The following GRXCR1 variants were observed in gnomAD, a reference collection of about 807,000 sequenced individuals.
The protein encoded by GRXCR1 is glutaredoxin and cysteine rich domain containing 1, also known as glutaredoxin domain-containing cysteine-rich protein 1.
A neutral mutation model predicts 27.3 loss-of-function variants in GRXCR1; 27 were observed. The ratio of observed to expected loss-of-function variants is 0.99; its 90% confidence interval spans 0.73 to 1.37. GRXCR1 has a LOEUF of 1.37. Among genes scored for constraint, GRXCR1 ranks in the 40% most tolerant of loss-of-function variants. The probability of loss-of-function intolerance (pLI) is 0.00; values close to 1 mark genes in which losing one functional copy is unlikely to be tolerated. For missense variants in GRXCR1, 379 were observed against 354.4 expected (o/e 1.07, Z -0.56); for synonymous variants, 122 against 131.1 (o/e 0.93, Z 0.47).
intron 3 of GRXCR1, among the ~76,000 whole-genome samples, chr4:43,024,936 A>G (rs1713206762): frequency 1.3e-5 from 2 of 152,156 alleles, no homozygotes; most frequent in African/African-American, 4.8e-5. Flanking sequence ...AGGGTCAAAT[A>G]AGTTGCTTCC....
chr4:42,903,720 T>C (rs542975346), intron 1 of GRXCR1, among the ~76,000 whole-genome samples: 1 of 143,626 alleles, frequency 7.0e-6, no homozygotes, highest in Admixed American at 7.5e-5. Flanking sequence ...CCAAGGCCAA[T>C]GTTTCCTGCT....
chr4:42,962,530 C>G (rs762387029), intron 1 of GRXCR1, among the ~76,000 whole-genome samples: 1 of 151,822 alleles, frequency 6.6e-6, no homozygotes, highest in African/African-American at 2.4e-5. Context: ...GTGGCATAAA[C>G]TTTAGGTTTA....
chr4:42,984,113 G>A (rs1180059281), intron 2 of GRXCR1, among the ~76,000 whole-genome samples: 1 of 152,104 alleles, frequency 6.6e-6, no homozygotes, highest in Non-Finnish European at 1.5e-5. Context: ...TGGGATTACA[G>A]GCATGAGCCA....
chr4:43,005,707 A>C (rs1020775843), intron 2 of GRXCR1, among the ~76,000 whole-genome samples: 1 of 152,176 alleles, frequency 6.6e-6, no homozygotes. Flanking sequence ...GTGAGACTCC[A>C]GATGTGGGTG....
At chr4:42,972,758 T>C (rs1282746313) in intron 2 of GRXCR1, among the ~76,000 whole-genome samples, 1 of 152,192 alleles carries the variant, frequency 6.6e-6, no homozygotes, top group African/African-American at 2.4e-5. Context: ...ACAATGGGTG[T>C]AGCCATGATT....
intron 2 of GRXCR1, among the ~76,000 whole-genome samples, chr4:43,014,791 C>T (rs1228916633): frequency 6.6e-6 from 1 of 152,120 alleles, no homozygotes; most frequent in Non-Finnish European, 1.5e-5. Flanking sequence ...GAATTGAATG[C>T]TGTGTTTACT....
intron 2 of GRXCR1, among the ~76,000 whole-genome samples, chr4:42,963,794 A>G (rs1179395382): frequency 6.6e-6 from 1 of 151,982 alleles, no homozygotes; most frequent in East Asian, 1.9e-4. Flanking sequence ...AGGGCTCCAG[A>G]GAGTACACTT....
intron 1 of GRXCR1, among the ~76,000 whole-genome samples, chr4:42,925,979 A>G (rs1403369216): frequency 6.6e-6 from 1 of 152,040 alleles, no homozygotes; most frequent in African/African-American, 2.4e-5. Flanking sequence ...ACTGCCATGG[A>G]AAAAACTACT....
At chr4:42,951,982 A>G (rs1292919540) in intron 1 of GRXCR1, among the ~76,000 whole-genome samples, 2 of 152,294 alleles carry the variant, frequency 1.3e-5, no homozygotes, top group Middle Eastern at 3.4e-3. Flanking sequence ...AATAACTGAA[A>G]TTCACTTATT....
chr4:43,015,368 G>C (rs1409670189), intron 2 of GRXCR1, among the ~76,000 whole-genome samples: 2 of 152,084 alleles, frequency 1.3e-5, no homozygotes, highest in Non-Finnish European at 2.9e-5. Flanking sequence ...TTAAGTGAGA[G>C]GGAAAAGGAG....
rs1748152844 is a variant in GRXCR1, at chr4:42,962,758, G to T, written c.385-134G>T. 3 of 915,118 alleles carry T rather than the reference G, an allele frequency of 3.3e-6. No individual in the cohort carries two copies. In the South Asian group the frequency reaches 4.0e-5, roughly 12 times the overall value. 56.7% of individuals were successfully genotyped at this position (915,118 alleles called of 1,614,324 possible). ...ATTACAGATGTTGTAACTTAAAAAG[G>T]TAAGTCTTTGAATTGACAAATGTGT... On this transcript the variant is annotated intron_variant, in intron 1 of 3. Transcript: ENST00000399770.
At chr4:43,028,899 T>A (rs1276784892) in intron 3 of GRXCR1, among the ~76,000 whole-genome samples, 1 of 152,198 alleles carries the variant, frequency 6.6e-6, no homozygotes, top group East Asian at 1.9e-4. Flanking sequence ...TTGTTTGTTT[T>A]ATTCAGATTG....
intron 2 of GRXCR1, among the ~76,000 whole-genome samples, chr4:43,017,519 A>G (rs114190633): frequency 1.7e-3 from 253 of 152,294 alleles, no homozygotes; most frequent in African/African-American, 5.8e-3. Flanking sequence ...CTTCGCACCA[A>G]TGCTTAGAAG....
intron 2 of GRXCR1, among the ~76,000 whole-genome samples, chr4:42,987,342 G>C (rs1031347195): frequency 6.7e-6 from 1 of 148,446 alleles, no homozygotes; most frequent in Admixed American, 6.9e-5. Context: ...AAGTGTGGTG[G>C]TGTGATCATA....
At chr4:42,949,370 A>C (rs1747827544) in intron 1 of GRXCR1, among the ~76,000 whole-genome samples, 2 of 151,442 alleles carry the variant, frequency 1.3e-5, no homozygotes, top group Admixed American at 1.3e-4. Context: ...AAAAAAAAAA[A>C]AAAAAACAAC....
chr4:42,930,441 A>T (rs1287145798), intron 1 of GRXCR1, among the ~76,000 whole-genome samples: 1 of 151,934 alleles, frequency 6.6e-6, no homozygotes, highest in Non-Finnish European at 1.5e-5. Flanking sequence ...AGGATATGTT[A>T]ATTTTAAGAT....
At chr4:42,906,037 A>G (rs1746582155) in intron 1 of GRXCR1, among the ~76,000 whole-genome samples, 4 of 152,156 alleles carry the variant, frequency 2.6e-5, no homozygotes, top group Admixed American at 2.6e-4. Flanking sequence ...TGAACTGTGT[A>G]CATTTTTTCT....
chr4:42,958,560 G>C (rs1199463107), intron 1 of GRXCR1, among the ~76,000 whole-genome samples: 1 of 151,916 alleles, frequency 6.6e-6, no homozygotes, highest in African/African-American at 2.4e-5. Context: ...AAATAAACAA[G>C]TGGGAGCACG....
intron 1 of GRXCR1, among the ~76,000 whole-genome samples, chr4:42,901,664 G>A (rs1746463816): frequency 6.6e-6 from 1 of 152,140 alleles, no homozygotes; most frequent in South Asian, 2.1e-4. Flanking sequence ...TTAGGACATG[G>A]GTAGCTATTA....
Sources: gnomAD v4.1 joint callset for allele counts (sites outside exome capture counted in the v4.1 genomes callset) on GRCh38, gnomAD v4.1.1 for gene constraint, MANE v1.5 for transcripts, NCBI Gene and HGNC (gene_info 2026-07-23, HGNC 2026-07-21) for gene names.